Variants in PGR observed in about 807,000 individuals in gnomAD.
PGR encodes progesterone receptor, also known as nuclear receptor subfamily 3 group C member 3.
A neutral mutation model predicts 76.1 loss-of-function variants in PGR; 25 were observed. The ratio of observed to expected loss-of-function variants is 0.33; its 90% CI spans 0.24 to 0.46. PGR has a LOEUF of 0.46. Ranked by LOEUF, PGR falls within the 20% of genes least tolerant of loss-of-function variation. The pLI, the probability that PGR is intolerant of heterozygous loss-of-function variation, is 1.00. For synonymous variants in PGR, 579 were observed against 535.0 expected (o/e 1.08, Z -1.14); for missense variants, 1,172 against 1,225.3 (o/e 0.96, Z 0.65).
intron 3 of PGR, among the ~76,000 whole-genome samples, chr11:101,085,525 T>TAAAAACA (rs1861464959): frequency 2.4e-5 from 1 of 42,274 alleles, no homozygotes; most frequent in African/African-American, 1.1e-4. Flanking sequence ...CTAGAGGAAC[T>TAAAAACA]AAAAAAAAAA....
Position 101,127,676 on chromosome 11 carries a change from C to T in PGR, c.1395G>A (p.Ala465=). 6.4e-7 allele frequency: 1 copy of T among 1,552,836 alleles called. No homozygotes were observed. Residue 465 remains alanine (A), a synonymous_variant, in exon 1 of 8, where the codon GCG becomes GCA. Coordinates refer to ENST00000325455, the MANE Select transcript of PGR (RefSeq NM_000926.4). ...GSTLECILYK[A]EGAPPQQGPF... ...GGCCCTGCTGGGGCGGCGCGCCCTC[C>T]GCTTTGTACAGGATGCACTCCAGGG...
At chr11:101,071,642 T>C (rs1011742383) in intron 3 of PGR, among the ~76,000 whole-genome samples, 2 of 151,822 alleles carry the variant, frequency 1.3e-5, no homozygotes, top group African/African-American at 2.4e-5. Context: ...AATGACCTGA[T>C]GGAGCTGAAA....
intron 2 of PGR, among the ~76,000 whole-genome samples, chr11:101,118,581 T>C (rs2135497824): frequency 6.6e-6 from 1 of 152,312 alleles, no homozygotes; most frequent in Admixed American, 6.5e-5. Context: ...CAAGACGCTG[T>C]AGTAGCAGTT....
intron 3 of PGR, among the ~76,000 whole-genome samples, chr11:101,065,558 C>CA (rs907148086): frequency 2.0e-5 from 3 of 151,976 alleles, no homozygotes; most frequent in Non-Finnish European, 4.4e-5. Context: ...TAGACAATGG[C>CA]AAAAAGTACT....
intron 6 of PGR, 45 bp from the exon 7 acceptor site, chr11:101,042,147 G>T (rs368442426): frequency 1.3e-6 from 2 of 1,581,914 alleles, no homozygotes; most frequent in African/African-American, 1.3e-5. Context: ...ATAAAAAGAT[G>T]ACATTAACAA....
In PGR at chr11:101,127,989, C is replaced by G. The variant is rs1862933248; in HGVS notation, c.1082G>C (p.Cys361Ser). The G allele has an allele frequency of 6.2e-7, 1 of 1,611,760 alleles. No individual in the cohort carries two copies. Among genetic ancestry groups the G allele is most frequent in the Non-Finnish European group, 8.5e-7 (1 of 1,179,878 alleles). ...TPVAVGDFPD[C>S]AYPPDAEPKD... is the part of the protein sequence containing the mutation. ...GGGCTCGGCGTCGGGCGGGTACGCG[C>G]AGTCGGGGAAGTCGCCTACAGCGAC... The change falls in exon 1 of 8, where the codon TGC becomes TCC. Residue 361 changes from cysteine to serine, a missense_variant. By Grantham distance (112) the Cys-to-Ser change is moderately radical. Around this residue, in one of 4 missense-constraint regions of PGR, gnomAD observed 893 missense variants for 785.9 expected, o/e 1.14. Transcript: ENST00000325455.
intron 2 of PGR, among the ~76,000 whole-genome samples, chr11:101,108,101 A>C (rs1862231816): frequency 6.6e-6 from 1 of 151,806 alleles, no homozygotes; most frequent in African/African-American, 2.4e-5. Context: ...TAAAAATAAA[A>C]AAATTAGGTG....
chr11:101,058,767 T>TAACA (rs1860381438), intron 4 of PGR, among the ~76,000 whole-genome samples: 1 of 152,204 alleles, frequency 6.6e-6, no homozygotes, highest in African/African-American at 2.4e-5. Context: ...ATTTAAACTC[T>TAACA]AACATCTACA....
chr11:101,041,100 T>C lies in PGR; in HGVS notation c.2646+845A>G, dbSNP rs182606336. The stretch of plus-strand genomic sequence containing the variant: ...GGATACCGTATCATTCTTATTTCTC[T>C]GAGGATGTTAGAAGTTTTCTTCTGT... On this transcript the variant is annotated intron_variant, in intron 7 of 7. Transcript: ENST00000325455. Among the ~76,000 whole-genome samples, 194 of 152,082 alleles carry C rather than the reference T, an allele frequency of 1.3e-3. 1 individual carries two copies. In the Middle Eastern group the frequency reaches 0.014, roughly 11 times the overall value.
intron 3 of PGR, among the ~76,000 whole-genome samples, chr11:101,072,185 A>C (rs1162791255): frequency 1.3e-5 from 2 of 152,212 alleles, no homozygotes; most frequent in Admixed American, 1.3e-4. Context: ...ACATTTCTAA[A>C]GAAAAGAATT....
rs368205025 is a variant in PGR at position 101,050,137 on chromosome 11, A to G, written c.2358-78T>C. 5.3e-5 allele frequency: 77 copies of G among 1,456,944 alleles called. 1 individual carries two copies. The South Asian group carries it at 7.3e-4, about 14-fold the overall frequency. 90.3% of individuals were successfully genotyped at this position (1,456,944 alleles called of 1,614,324 possible). ...TCTCAGCCAGTTTAGGTAATTTATCAGGGAATATGGTTTTGGTAATTACCT... is the reference window on the plus strand; with the variant it reads ...TCTCAGCCAGTTTAGGTAATTTATCGGGGAATATGGTTTTGGTAATTACCT... On this transcript the variant is annotated intron_variant, in intron 5 of 7. Transcript: ENST00000325455.
chr11:101,056,400 G>C (rs554233283), intron 4 of PGR, among the ~76,000 whole-genome samples: 1 of 152,154 alleles, frequency 6.6e-6, no homozygotes, highest in Non-Finnish European at 1.5e-5. Flanking sequence ...AGTGCTTTGG[G>C]AGGCGAGGCA....
Position 101,033,017 on chromosome 11 carries a change from A to G in PGR, c.*6099T>C, listed in dbSNP as rs1441575658. 1 of 192,218 alleles carries G rather than the reference A, an allele frequency of 5.2e-6. No individual in the cohort carries two copies. The highest frequency in any genetic ancestry group is 1.1e-5 in the Non-Finnish European group (1 of 92,068). The allele number at this position is 192,218 out of a possible 1,614,324, so 11.9% of individuals were successfully genotyped here. A position where few individuals can be genotyped will look rare whatever the true frequency, so the allele number is the denominator to read the frequency against. On this transcript the variant is annotated 3_prime_UTR_variant, in exon 8 of 8. Transcript: ENST00000325455. ...AAATCATATTTAATCCTCTCAAAAT[A>G]CAAAGAACTTTGATATTTTCTTCTG...
In PGR at chr11:101,030,671, T is replaced by G. The variant is rs1487351662; in HGVS notation, c.*8445A>C. ...TCAAAGAAAGTCAACATTCAGCTTT[T>G]GACTTCCTCAGTTGGTCTTTGAAAT... On this transcript the variant is annotated 3_prime_UTR_variant, in exon 8 of 8. Coordinates refer to ENST00000325455, the MANE Select transcript of PGR (RefSeq NM_000926.4). 9.5e-6 allele frequency: 2 copies of G among 210,542 alleles called. No homozygotes were observed. The highest frequency in any genetic ancestry group is 1.5e-3 in the Middle Eastern group (1 of 668). The allele number at this position is 210,542 out of a possible 1,614,324, so 13.0% of individuals were successfully genotyped here.
At chr11:101,041,492 T>TA (rs1859692732) in intron 7 of PGR, among the ~76,000 whole-genome samples, 2 of 152,268 alleles carry the variant, frequency 1.3e-5, no homozygotes, top group Admixed American at 6.6e-5. Flanking sequence ...AGATAAATCC[T>TA]AAAAAATAGA....
chr11:101,115,526 C>T (rs1177157149), intron 2 of PGR, among the ~76,000 whole-genome samples: 1 of 152,082 alleles, frequency 6.6e-6, no homozygotes, highest in Non-Finnish European at 1.5e-5. Flanking sequence ...AATCCCAGCA[C>T]TTTGGGATGC....
At chr11:101,042,203 A>G in intron 6 of PGR, 101 bp from the exon 7 acceptor site, 2 of 1,225,412 alleles carry the variant, frequency 1.6e-6, no homozygotes, top group Non-Finnish European at 2.3e-6. Context: ...CTTCTGATAC[A>G]TGACTCTAGA....
chr11:101,066,128 A>T (rs1860706610), intron 3 of PGR, among the ~76,000 whole-genome samples: 1 of 152,100 alleles, frequency 6.6e-6, no homozygotes, highest in African/African-American at 2.4e-5. Context: ...TCCGTGGAGA[A>T]ATATCACTCT....
rs181270495 is a variant in PGR at position 101,069,288 on chromosome 11, T to G, written c.1907-6536A>C. Among the ~76,000 whole-genome samples the G allele has an allele frequency of 4.3e-3, 658 of 152,136 alleles. 8 individuals carry two copies. Among genetic ancestry groups the G allele is most frequent in the African/African-American group, 0.015 (641 of 41,512 alleles). ...TCATCTTCACTGGTCATGAGAGAAATGCAAATCAAAACCACAATGAGATAC... is the reference window on the plus strand; with the variant it reads ...TCATCTTCACTGGTCATGAGAGAAAGGCAAATCAAAACCACAATGAGATAC... On this transcript the variant is annotated intron_variant, in intron 3 of 7. Coordinates refer to ENST00000325455, the MANE Select transcript of PGR (RefSeq NM_000926.4).
Sources: allele counts gnomAD v4.1 joint callset (sites outside exome capture counted in the v4.1 genomes callset), GRCh38; gene constraint gnomAD v4.1.1; regional missense constraint gnomAD v4.1.1; transcripts MANE v1.5; gene names NCBI Gene and HGNC (gene_info 2026-07-23, HGNC 2026-07-21).